Variants in GOLGA5 observed in about 807,000 individuals in gnomAD.
GOLGA5 encodes the protein golgin A5.
Under a neutral mutation model 93.5 loss-of-function variants are expected in GOLGA5, and 50 were observed. The ratio of observed to expected loss-of-function variants is 0.53; its 90% CI spans 0.43 to 0.68. The LOEUF is 0.68. Among genes scored for constraint, GOLGA5 ranks in the 30% least tolerant of loss-of-function variants. The pLI is 0.00. For missense variants in GOLGA5, 760 were observed against 856.4 expected, an observed-to-expected ratio of 0.89 and a Z score of 1.40; for synonymous variants, 312 against 304.5, an observed-to-expected ratio of 1.02 and a Z score of -0.26.
chr14:92,809,271 T>C (rs1403383746), intron 3 of GOLGA5, 29 bp from the exon 4 acceptor site: 5 of 1,452,552 alleles, frequency 3.4e-6, no homozygotes, highest in Admixed American at 3.4e-5. Context: ...TGGTTTTGCT[T>C]GTATAGAGAA....
intron 7 of GOLGA5, 45 bp downstream of exon 7, chr14:92,816,466 A>G: frequency 1.3e-6 from 2 of 1,506,314 alleles, no homozygotes; most frequent in African/African-American, 1.4e-5. Context: ...ATTTACCCTC[A>G]GGTGTTAACA....
intron 2 of GOLGA5, among the ~76,000 whole-genome samples, chr14:92,799,595 TTTTA>T (rs1023700446): frequency 1.3e-4 from 19 of 144,778 alleles, no homozygotes; most frequent in East Asian, 8.5e-4. Flanking sequence ...TTTTTAATGT[TTTTA>T]TTTATTTATT....
intron 2 of GOLGA5, among the ~76,000 whole-genome samples, chr14:92,799,999 ATCTT>A (rs1376511044): frequency 6.6e-6 from 1 of 152,222 alleles, no homozygotes; most frequent in Non-Finnish European, 1.5e-5. Context: ...AGTGAATAAA[ATCTT>A]TCTTGTATTT....
At position 92,809,451 on chromosome 14, in the gene GOLGA5, C is replaced by G; in HGVS notation, c.924C>G (p.Leu308=). 1 of 1,613,888 alleles carries G rather than the reference C, an allele frequency of 6.2e-7. No individual in the cohort carries two copies. Among genetic ancestry groups the G allele is most frequent in the Non-Finnish European group, 8.5e-7 (1 of 1,179,928 alleles). Residue 308 remains leucine, a synonymous_variant, in exon 4 of 13, where the codon CTC becomes CTG. Coordinates refer to ENST00000163416, the MANE Select transcript of GOLGA5 (RefSeq NM_005113.4). Reference sequence around the variant, plus strand: ...AGCTGGCTGTACTGAAAGTGAGACTCCAGGAAGCTGACCAGCTACTGAGTA... The same window carrying G: ...AGCTGGCTGTACTGAAAGTGAGACTGCAGGAAGCTGACCAGCTACTGAGTA... ...DSQLAVLKVR[L]QEADQLLSTR...
chr14:92,821,287 G>C (rs1279341344), intron 8 of GOLGA5, among the ~76,000 whole-genome samples: 1 of 151,974 alleles, frequency 6.6e-6, no homozygotes. Flanking sequence ...CTTTCTGCTT[G>C]AGAAAAAAGT....
intron 9 of GOLGA5, among the ~76,000 whole-genome samples, chr14:92,825,855 C>CTAAA (rs1555405598): frequency 8.5e-6 from 1 of 117,096 alleles, no homozygotes; most frequent in African/African-American, 3.4e-5. Context: ...GACCCTGTCT[C>CTAAA]AAAAAAAAAA....
intron 2 of GOLGA5, 110 bp downstream of exon 2, chr14:92,798,091 T>G: frequency 1.3e-6 from 1 of 743,502 alleles, no homozygotes; most frequent in East Asian, 2.5e-5. Flanking sequence ...TCCACTGGTG[T>G]AAGGGCAGAC....
At chr14:92,802,726 CAATT>C (rs1232991979) in intron 2 of GOLGA5, among the ~76,000 whole-genome samples, 2 of 148,112 alleles carry the variant, frequency 1.4e-5, no homozygotes. Context: ...GTATACAAAT[CAATT>C]TATTTATTTT....
rs1022576248 is a variant in GOLGA5 at position 92,839,827 on chromosome 14, A to G, written c.*381A>G. 9.6e-6 allele frequency: 2 copies of G among 209,164 alleles called. No individual in the cohort carries two copies. The highest frequency in any genetic ancestry group is 1.9e-5 in the Non-Finnish European group (2 of 104,566). 13.0% of individuals were successfully genotyped at this position (209,164 alleles called of 1,614,324 possible). A position where few individuals can be genotyped will look rare whatever the true frequency, so the allele number is the denominator to read the frequency against. ...ACAAAAATAAAAAGTTTTTTTTTAT[A>G]ATTCAGTCTGCTTTTGGATTTTCAT... On this transcript the variant is annotated 3_prime_UTR_variant, in exon 13 of 13. Coordinates refer to ENST00000163416, the MANE Select transcript of GOLGA5 (RefSeq NM_005113.4).
intron 2 of GOLGA5, among the ~76,000 whole-genome samples, chr14:92,802,669 C>G (rs1289929076): frequency 6.6e-6 from 1 of 151,558 alleles, no homozygotes; most frequent in Non-Finnish European, 1.5e-5. Flanking sequence ...ATGTTTTTTC[C>G]TCTACCCTTG....
intron 9 of GOLGA5, among the ~76,000 whole-genome samples, chr14:92,826,884 A>G (rs1044552365): frequency 2.6e-5 from 4 of 152,014 alleles, no homozygotes; most frequent in Non-Finnish European, 5.9e-5. Context: ...TCTTTTTGCA[A>G]TTTTGAGGCT....
chr14:92,816,498 C>A, intron 7 of GOLGA5, 77 bp downstream of exon 7: 2 of 1,214,160 alleles, frequency 1.6e-6, no homozygotes, highest in Non-Finnish European at 2.4e-6. Context: ...GGGGAAACAG[C>A]ATTACTAAAG....
intron 8 of GOLGA5, among the ~76,000 whole-genome samples, chr14:92,823,613 C>T (rs1885359002): frequency 1.3e-5 from 2 of 151,852 alleles, no homozygotes; most frequent in South Asian, 4.2e-4. Flanking sequence ...TGAGGTCTCA[C>T]TCTGTTGCTC....
At chr14:92,810,399 T>C in intron 5 of GOLGA5, 22 bp downstream of exon 5, 1 of 1,516,750 alleles carries the variant, frequency 6.6e-7, no homozygotes, top group Non-Finnish European at 8.8e-7. Flanking sequence ...AGACAGCAGA[T>C]TCCTATTGTT....
At chr14:92,816,899 TTCCTTTCTC>T (rs755109519) in intron 7 of GOLGA5, among the ~76,000 whole-genome samples, 214 of 151,576 alleles carry the variant, frequency 1.4e-3, no homozygotes, top group East Asian at 0.011. Context: ...TTTCCTTTCT[TTCCTTTCTC>T]TCCTTTCTTT....
intron 7 of GOLGA5, among the ~76,000 whole-genome samples, chr14:92,816,686 C>G (rs1318108579): frequency 6.6e-6 from 1 of 152,142 alleles, no homozygotes; most frequent in Non-Finnish European, 1.5e-5. Flanking sequence ...CTCAGGCTCC[C>G]AAGTAGGTGG....
chr14:92,839,700 T>A lies in GOLGA5; in HGVS notation c.*254T>A. The A allele has an allele frequency of 1.9e-6, 1 of 521,882 alleles. No homozygotes were observed. The highest frequency in any genetic ancestry group is 5.0e-4 in the Middle Eastern group (1 of 1,994). 32.3% of individuals were successfully genotyped at this position (521,882 alleles called of 1,614,324 possible). The stretch of plus-strand genomic sequence containing the variant: ...CTGAGTTTAGTGGTCCTAATATATA[T>A]GTAGAGAAAGATGGTGGGGTTGTTC... On this transcript the variant is annotated 3_prime_UTR_variant, in exon 13 of 13. Coordinates refer to ENST00000163416, the MANE Select transcript of GOLGA5 (RefSeq NM_005113.4).
chr14:92,832,265 A>G (rs1258160852), intron 9 of GOLGA5, among the ~76,000 whole-genome samples: 1 of 152,094 alleles, frequency 6.6e-6, no homozygotes, highest in Non-Finnish European at 1.5e-5. Context: ...GTTTATGTTC[A>G]ATATAATTCC....
chr14:92,814,498 G>C (rs1482329292), intron 6 of GOLGA5, among the ~76,000 whole-genome samples: 1 of 152,022 alleles, frequency 6.6e-6, no homozygotes. Context: ...ATGGAGGCAG[G>C]GTACTTGACC....
Sources: gnomAD v4.1 joint callset for allele counts (sites outside exome capture counted in the v4.1 genomes callset) on GRCh38, gnomAD v4.1.1 for gene constraint, MANE v1.5 for transcripts, NCBI Gene and HGNC (gene_info 2026-07-23, HGNC 2026-07-21) for gene names.